SULT4A1: variants seen among roughly 807,000 people sequenced by gnomAD.
SULT4A1 encodes sulfotransferase family 4A member 1.
A neutral mutation model predicts 35.2 loss-of-function variants in SULT4A1; 11 were observed. That is an observed-to-expected ratio of 0.31 (90% CI 0.20 to 0.52). SULT4A1 has a LOEUF of 0.52. Among genes scored for constraint, SULT4A1 ranks in the 20% least tolerant of loss-of-function variants. The pLI is 0.97. For synonymous variants in SULT4A1, 152 were observed against 151.8 expected, an observed-to-expected ratio of 1.00 and a Z score of -0.01; for missense variants, 271 against 383.7, an observed-to-expected ratio of 0.71 and a Z score of 2.45.
Position 43,833,752 on chromosome 22 carries a change from A to G in SULT4A1, c.509-18T>C. On this transcript the variant is annotated intron_variant, in intron 4 of 6. Transcript: ENST00000330884. ...GTAGCCCACTGCGGAGACAGGGGACAGGGTGAGCCACACGGCTGGGCAGGA... is the reference window on the plus strand; with the variant it reads ...GTAGCCCACTGCGGAGACAGGGGACGGGGTGAGCCACACGGCTGGGCAGGA... 1.3e-6 allele frequency: 2 copies of G among 1,556,518 alleles called. No individual in the cohort carries two copies. Among genetic ancestry groups the G allele is most frequent in the East Asian group, 2.4e-5 (1 of 41,982 alleles).
chr22:43,842,212 G>GTAACA (rs1231203771), intron 1 of SULT4A1, among the ~76,000 whole-genome samples: 4 of 152,214 alleles, frequency 2.6e-5, no homozygotes, highest in Non-Finnish European at 5.9e-5. Context: ...TTATGGAAGT[G>GTAACA]GCTCAGGGGC....
At chr22:43,854,473 C>T (rs913499303) in intron 1 of SULT4A1, among the ~76,000 whole-genome samples, 2 of 152,180 alleles carry the variant, frequency 1.3e-5, no homozygotes, top group Non-Finnish European at 2.9e-5. Flanking sequence ...AGGGCCTTGC[C>T]CAAAATCAAA....
At chr22:43,828,941 T>C (rs2063306703) in intron 6 of SULT4A1, 119 bp downstream of exon 6, 1 of 1,151,524 alleles carries the variant, frequency 8.7e-7, no homozygotes, top group Non-Finnish European at 1.2e-6. Flanking sequence ...AGCTACAGAC[T>C]GCTGTAAAAG....
intron 1 of SULT4A1, among the ~76,000 whole-genome samples, chr22:43,854,187 C>T (rs138096): frequency 0.24 from 36,120 of 152,108 alleles, 4,532 homozygotes; most frequent in African/African-American, 0.33. Context: ...ACATCTTTGC[C>T]GCGGGACTTC....
intron 2 of SULT4A1, 129 bp downstream of exon 2, chr22:43,841,673 C>CCTAT (rs2063430343): frequency 1.4e-6 from 2 of 1,414,354 alleles, no homozygotes; most frequent in African/African-American, 2.8e-5. Context: ...CAGCTTCTCC[C>CCTAT]CTGGCTATCT....
At chr22:43,861,722 C>T (rs1295654111) in intron 1 of SULT4A1, among the ~76,000 whole-genome samples, 2 of 152,208 alleles carry the variant, frequency 1.3e-5, no homozygotes, top group African/African-American at 2.4e-5. Flanking sequence ...CCACCCGGAG[C>T]CCAGGCTGGA....
chr22:43,855,261 G>C (rs1407599533), intron 1 of SULT4A1, among the ~76,000 whole-genome samples: 1 of 152,180 alleles, frequency 6.6e-6, no homozygotes, highest in African/African-American at 2.4e-5. Flanking sequence ...CAGGGTCTTG[G>C]TTCCTTACCC....
intron 6 of SULT4A1, 191 bp downstream of exon 6, chr22:43,828,869 C>T (rs1166579342): frequency 1.4e-5 from 8 of 554,050 alleles, no homozygotes; most frequent in Admixed American, 3.9e-5. Flanking sequence ...CAGGGTACTC[C>T]GTCACTCCAT....
chr22:43,841,381 G>T (rs947762145), intron 2 of SULT4A1, among the ~76,000 whole-genome samples: 4 of 152,192 alleles, frequency 2.6e-5, no homozygotes, highest in Admixed American at 2.6e-4. Context: ...CGGGGTGGGG[G>T]TGCCTGTGGG....
At chr22:43,847,976 TTTCTGGAGACTGAGGGAGAATCCTC>T (rs2063487351) in intron 1 of SULT4A1, among the ~76,000 whole-genome samples, 1 of 152,200 alleles carries the variant, frequency 6.6e-6, no homozygotes, top group African/African-American at 2.4e-5. Context: ...GCTGCGCCCC[TTTCTGGAGACTGAGGGAGAATCCTC>T]TTCTGCTGCT....
chr22:43,845,061 C>T (rs1375463802), intron 1 of SULT4A1, among the ~76,000 whole-genome samples: 1 of 152,188 alleles, frequency 6.6e-6, no homozygotes, highest in African/African-American at 2.4e-5. Flanking sequence ...GCCTCTATTC[C>T]CAGGCCCAAA....
intron 1 of SULT4A1, among the ~76,000 whole-genome samples, chr22:43,854,178 C>A (rs1322382106): frequency 6.6e-6 from 1 of 152,338 alleles, no homozygotes; most frequent in East Asian, 1.9e-4. Context: ...GCCCCATGCA[C>A]ATCTTTGCCG....
chr22:43,851,448 C>A (rs1274637466), intron 1 of SULT4A1, among the ~76,000 whole-genome samples: 1 of 152,168 alleles, frequency 6.6e-6, no homozygotes, highest in Non-Finnish European at 1.5e-5. Flanking sequence ...ACCTGGTGAT[C>A]TTGAGTCCAC....
chr22:43,843,612 A>G (rs2063450827), intron 1 of SULT4A1, among the ~76,000 whole-genome samples: 1 of 152,208 alleles, frequency 6.6e-6, no homozygotes, highest in Admixed American at 6.5e-5. Context: ...TGCCTAGCCA[A>G]TGAGGGTTCC....
chr22:43,840,897 G>A (rs188231373), intron 2 of SULT4A1, among the ~76,000 whole-genome samples: 1 of 151,760 alleles, frequency 6.6e-6, no homozygotes, highest in East Asian at 2.0e-4. Context: ...GGGTCCCTCT[G>A]CTCCTCTCCT....
chr22:43,847,446 G>A (rs1037750552), intron 1 of SULT4A1, among the ~76,000 whole-genome samples: 5 of 152,178 alleles, frequency 3.3e-5, no homozygotes, highest in African/African-American at 1.2e-4. Context: ...CCTCCCACTG[G>A]TCTCTCTCCA....
At chr22:43,849,848 G>T (rs1408581092) in intron 1 of SULT4A1, among the ~76,000 whole-genome samples, 1 of 152,224 alleles carries the variant, frequency 6.6e-6, no homozygotes, top group Non-Finnish European at 1.5e-5. Flanking sequence ...CACTGAGCTG[G>T]TAACACTTAA....
chr22:43,826,406 C>G (rs1308251820), intron 6 of SULT4A1: 1 of 985,278 alleles, frequency 1.0e-6, no homozygotes, highest in Non-Finnish European at 1.2e-6. Context: ...TGGGGCCCAC[C>G]AGGGAGACTC....
intron 1 of SULT4A1, among the ~76,000 whole-genome samples, chr22:43,850,484 T>C (rs1244702273): frequency 6.6e-6 from 1 of 152,232 alleles, no homozygotes; most frequent in Non-Finnish European, 1.5e-5. Flanking sequence ...TTATTTCATT[T>C]TCTATATTGC....
Sources: gnomAD v4.1 joint callset for allele counts (sites outside exome capture counted in the v4.1 genomes callset) on GRCh38, gnomAD v4.1.1 for gene constraint, MANE v1.5 for transcripts, NCBI Gene and HGNC (gene_info 2026-07-23, HGNC 2026-07-21) for gene names.